The following FBXO4 variants were observed in gnomAD, a reference collection of about 807,000 sequenced individuals.
The protein encoded by FBXO4 is F-box protein 4.
Under a neutral mutation model 43.7 loss-of-function variants are expected in FBXO4, and 36 were observed. That is an observed-to-expected ratio of 0.82 (90% CI 0.63 to 1.09). The LOEUF is 1.09. Among genes scored for constraint, FBXO4 ranks in the 50% least tolerant of loss-of-function variants. The probability of loss-of-function intolerance (pLI) is 0.00; values close to 1 mark genes in which losing one functional copy is unlikely to be tolerated. For synonymous variants in FBXO4, 180 were observed against 165.6 expected (o/e 1.09, Z -0.67); for missense variants, 435 against 474.1 (o/e 0.92, Z 0.77).
the FBXO4 span, among the ~76,000 whole-genome samples, chr5:42,022,958 T>TA: frequency 6.6e-6 from 1 of 151,854 alleles, no homozygotes; most frequent in Non-Finnish European, 1.5e-5. Flanking sequence ...ATACAGGGTT[T>TA]AAAAAAAATG....
At chr5:42,021,595 C>T in the FBXO4 span, among the ~76,000 whole-genome samples, 4 of 152,236 alleles carry the variant, frequency 2.6e-5, no homozygotes, top group South Asian at 8.3e-4. Flanking sequence ...AAAAAATTTA[C>T]AGTCATCAAC....
At chr5:41,943,171 A>G (rs1752028701), downstream of FBXO4, among the ~76,000 whole-genome samples, 1 of 152,158 alleles carries the variant, frequency 6.6e-6, no homozygotes, top group Admixed American at 6.5e-5. Flanking sequence ...TTGGAGTCCG[A>G]AAATCCTCTT....
the FBXO4 span, among the ~76,000 whole-genome samples, chr5:42,012,660 G>A: frequency 2.6e-5 from 4 of 152,264 alleles, no homozygotes; most frequent in African/African-American, 7.2e-5. Context: ...GCTGTCTTCG[G>A]TGGCTGGGCT....
chr5:41,934,149 G>A lies in FBXO4; in HGVS notation c.739G>A (p.Ala247Thr), dbSNP rs1207106029. 6 of 1,613,868 alleles carry A rather than the reference G, an allele frequency of 3.7e-6. No individual in the cohort carries two copies. The highest frequency in any genetic ancestry group is 1.7e-5 in the Admixed American group (1 of 60,008). Reference sequence around the variant, plus strand: ...TTTTTCTAGAAAGGAAAGAGATAGAGCAAGGGAAGAGCATACAAGTGCAGT... The same window carrying A: ...TTTTTCTAGAAAGGAAAGAGATAGAACAAGGGAAGAGCATACAAGTGCAGT... ...YSTTRKERDR[A>T]REEHTSAVNK... The change falls in exon 5 of 7, where the codon GCA becomes ACA. Residue 247 changes from alanine to threonine, a missense_variant. Coordinates refer to ENST00000281623, the MANE Select transcript of FBXO4 (RefSeq NM_012176.3).
the FBXO4 span, among the ~76,000 whole-genome samples, chr5:42,003,995 AC>A: frequency 6.6e-6 from 1 of 152,036 alleles, no homozygotes; most frequent in Non-Finnish European, 1.5e-5. Flanking sequence ...TCAATGATAG[AC>A]TGGATTAAGA....
chr5:41,986,335 G>GA, the FBXO4 span, among the ~76,000 whole-genome samples: 2 of 151,100 alleles, frequency 1.3e-5, no homozygotes, highest in East Asian at 1.9e-4. Flanking sequence ...AGAGAGAGAG[G>GA]AAAAAAAACA....
the FBXO4 span, among the ~76,000 whole-genome samples, chr5:41,963,198 T>C: frequency 1.3e-5 from 2 of 151,842 alleles, no homozygotes; most frequent in Admixed American, 6.6e-5. Context: ...ATATATAATA[T>C]ATATACTATA....
the FBXO4 span, among the ~76,000 whole-genome samples, chr5:42,035,642 C>T: frequency 1.3e-5 from 2 of 152,028 alleles, no homozygotes. Flanking sequence ...GTTTGAAGAA[C>T]CATGGTTTGT....
At chr5:41,948,185 G>C in the FBXO4 span, among the ~76,000 whole-genome samples, 2 of 150,250 alleles carry the variant, frequency 1.3e-5, no homozygotes, top group African/African-American at 2.5e-5. Flanking sequence ...GCCCAGGCTG[G>C]AGTGCAGTGG....
intron 5 of FBXO4, among the ~76,000 whole-genome samples, chr5:41,936,599 A>G (rs999479177): frequency 6.6e-6 from 1 of 152,198 alleles, no homozygotes; most frequent in African/African-American, 2.4e-5. Flanking sequence ...GTGTGAACAG[A>G]TAGATTTTTC....
the FBXO4 span, among the ~76,000 whole-genome samples, chr5:42,005,872 TA>T: frequency 1.3e-5 from 2 of 152,010 alleles, no homozygotes; most frequent in Admixed American, 6.6e-5. Context: ...ATTTCCTCTT[TA>T]AAAAAACCAG....
the FBXO4 span, among the ~76,000 whole-genome samples, chr5:42,026,634 G>A: frequency 1.3e-5 from 2 of 151,770 alleles, no homozygotes; most frequent in Admixed American, 1.3e-4. Context: ...TTCTTGTTGT[G>A]CTCTGGATCT....
At chr5:41,984,992 T>C in the FBXO4 span, among the ~76,000 whole-genome samples, 2 of 152,234 alleles carry the variant, frequency 1.3e-5, no homozygotes, top group African/African-American at 4.8e-5. Flanking sequence ...AGAACTTCTA[T>C]CTACCCTACT....
the FBXO4 span, among the ~76,000 whole-genome samples, chr5:41,958,427 C>A: frequency 6.6e-6 from 1 of 152,158 alleles, no homozygotes; most frequent in Non-Finnish European, 1.5e-5. Context: ...GCAGCCCTGC[C>A]AGCCAGCAAT....
At chr5:41,940,655 A>T (rs867282241) in intron 6 of FBXO4, among the ~76,000 whole-genome samples, 44 of 152,332 alleles carry the variant, frequency 2.9e-4, no homozygotes, top group Middle Eastern at 3.4e-3. Context: ...TAAAGTTGGA[A>T]ACCTTTTGCG....
chr5:41,992,045 T>C, the FBXO4 span, among the ~76,000 whole-genome samples: 4 of 152,150 alleles, frequency 2.6e-5, no homozygotes, highest in East Asian at 7.7e-4. Context: ...GCCATTGCAC[T>C]CCAGCCTCAG....
At chr5:41,941,059 G>T (rs1424899216) in intron 6 of FBXO4, 133 bp from the exon 7 acceptor site, 5 of 583,336 alleles carry the variant, frequency 8.6e-6, no homozygotes, top group Non-Finnish European at 1.2e-5. Flanking sequence ...CAAAACTTGA[G>T]CAACTTATCC....
the FBXO4 span, among the ~76,000 whole-genome samples, chr5:42,022,132 G>A: frequency 3.3e-5 from 5 of 152,062 alleles, no homozygotes; most frequent in African/African-American, 1.2e-4. Context: ...GGGACTCTAG[G>A]TCCACTGTGT....
At position 41,941,537 on chromosome 5, in the gene FBXO4, T is replaced by A. The variant is rs1752005719; in HGVS notation, c.*256T>A. 4.2e-6 allele frequency: 1 copy of A among 236,120 alleles called. No individual in the cohort carries two copies. Among genetic ancestry groups the A allele is most frequent in the Non-Finnish European group, 8.3e-6 (1 of 120,754 alleles). The allele number at this position is 236,120 out of a possible 1,614,324, so 14.6% of individuals were successfully genotyped here. On this transcript the variant is annotated 3_prime_UTR_variant, in exon 7 of 7. Transcript: ENST00000281623. The stretch of plus-strand genomic sequence containing the variant: ...TTTTTGGTAATTTTTATATTTTCTG[T>A]CTTTTTAAAAATATTAAATTCTGGA...
Sources: gnomAD v4.1 joint callset for allele counts (sites outside exome capture counted in the v4.1 genomes callset) on GRCh38, gnomAD v4.1.1 for gene constraint, MANE v1.5 for transcripts, NCBI Gene and HGNC (gene_info 2026-07-23, HGNC 2026-07-21) for gene names.